FHDC1: variants seen among roughly 807,000 people sequenced by gnomAD.
FHDC1 encodes the protein FH2 domain-containing protein 1.
In FHDC1, 25 loss-of-function variants were observed where a neutral mutation model predicts 52.6. That is an observed-to-expected ratio of 0.48 (90% CI 0.35 to 0.66). The LOEUF is 0.66. FHDC1 is among the 30% of genes least tolerant of loss of function. The pLI is 0.01. For synonymous variants in FHDC1, 616 were observed against 581.5 expected (o/e 1.06, Z -0.85); for missense variants, 1,459 against 1,452.8 (o/e 1.00, Z -0.07).
intron 2 of FHDC1, among the ~76,000 whole-genome samples, chr4:152,946,914 G>A (rs2149940059): frequency 6.6e-6 from 1 of 152,206 alleles, no homozygotes; most frequent in African/African-American, 2.4e-5. Context: ...CACTTAAATA[G>A]TGAGTTAGAA....
At chr4:152,941,927 T>G (rs184758363) in intron 1 of FHDC1, among the ~76,000 whole-genome samples, 5 of 152,276 alleles carry the variant, frequency 3.3e-5, no homozygotes, top group Admixed American at 6.5e-5. Flanking sequence ...ATGGCGTCCT[T>G]TCTACACCCC....
At chr4:152,952,064 A>G (rs1200259649) in intron 2 of FHDC1, among the ~76,000 whole-genome samples, 1 of 152,248 alleles carries the variant, frequency 6.6e-6, no homozygotes, top group Non-Finnish European at 1.5e-5. Flanking sequence ...AAAGTATCTT[A>G]TCCTTGGTGA....
At chr4:152,929,189 T>TC in the FHDC1 span, among the ~76,000 whole-genome samples, 1 of 152,092 alleles carries the variant, frequency 6.6e-6, no homozygotes, top group Admixed American at 6.5e-5. This position sits in a 1 kb window ranked among gnomAD's most constrained non-coding sequence, Gnocchi z 4.1. Context: ...GGCTTCCAGG[T>TC]CATAGGTAGA....
At chr4:152,932,309 C>T (rs891237085), upstream of FHDC1, among the ~76,000 whole-genome samples, 5 of 151,856 alleles carry the variant, frequency 3.3e-5, no homozygotes, top group Admixed American at 1.3e-4. Flanking sequence ...CACAGTGGCT[C>T]ATGCCTGTAA....
chr4:152,941,305 C>T (rs925529758), intron 1 of FHDC1, among the ~76,000 whole-genome samples: 1 of 152,200 alleles, frequency 6.6e-6, no homozygotes, highest in African/African-American at 2.4e-5. Context: ...AAGTTTGTTC[C>T]TAGCAGCCAG....
At chr4:152,916,011 A>C in the FHDC1 span, among the ~76,000 whole-genome samples, 2 of 152,192 alleles carry the variant, frequency 1.3e-5, no homozygotes, top group Non-Finnish European at 1.5e-5. Context: ...CTTAAATTCC[A>C]GTGTACAGAA....
rs1420882248 is a variant in FHDC1, at chr4:152,978,676, A to G, written c.*1953A>G. 1 of 151,930 alleles carries G rather than the reference A, an allele frequency of 6.6e-6. No individual in the cohort carries two copies. Among genetic ancestry groups the G allele is most frequent in the Non-Finnish European group, 1.5e-5 (1 of 67,978 alleles). 9.4% of individuals were successfully genotyped at this position (151,930 alleles called of 1,614,324 possible). A position where few individuals can be genotyped will look rare whatever the true frequency, so the allele number is the denominator to read the frequency against. On this transcript the variant is annotated 3_prime_UTR_variant, in exon 12 of 12. Coordinates refer to ENST00000511601, the MANE Select transcript of FHDC1 (RefSeq NM_001371116.1). ...TTTGTGTTTTTTTTAATTTTAGGTC[A>G]CTTATTAGTGAAACCTCATTTTAGA... is the stretch of plus-strand genomic sequence containing the variant.
At chr4:152,940,247 A>T (rs1182604340) in intron 1 of FHDC1, among the ~76,000 whole-genome samples, 2 of 152,242 alleles carry the variant, frequency 1.3e-5, no homozygotes, top group East Asian at 3.8e-4. Flanking sequence ...TTGCTGGCGA[A>T]CCTATTCATT....
At chr4:152,946,719 T>C (rs1218121470) in intron 2 of FHDC1, among the ~76,000 whole-genome samples, 1 of 152,036 alleles carries the variant, frequency 6.6e-6, no homozygotes, top group East Asian at 1.9e-4. Flanking sequence ...GTTCTGGAGG[T>C]TCAGACTTGC....
intron 11 of FHDC1, among the ~76,000 whole-genome samples, chr4:152,973,192 T>C (rs1328324706): frequency 6.6e-6 from 1 of 152,218 alleles, no homozygotes; most frequent in Non-Finnish European, 1.5e-5. Flanking sequence ...CAAGTAAAAC[T>C]TTAATTCATC....
chr4:152,950,315 C>T (rs1362964825), intron 2 of FHDC1, among the ~76,000 whole-genome samples: 3 of 152,188 alleles, frequency 2.0e-5, no homozygotes, highest in Non-Finnish European at 2.9e-5. Flanking sequence ...TATAACATTG[C>T]TTTGGAAGGA....
At chr4:152,962,736 C>A in intron 6 of FHDC1, 78 bp from the exon 7 acceptor site, 1 of 1,209,168 alleles carries the variant, frequency 8.3e-7, no homozygotes, top group Non-Finnish European at 1.2e-6. Flanking sequence ...TACACTTGAA[C>A]TTGGATGTGG....
chr4:152,962,983 A>G lies in FHDC1; in HGVS notation c.922-40A>G, dbSNP rs74812681. The G allele has an allele frequency of 6.8e-3, 6,091 of 897,828 alleles. 19 individuals are homozygous for G. Among genetic ancestry groups the G allele is most frequent in the Middle Eastern group, 0.012 (47 of 3,786 alleles). 55.6% of individuals were successfully genotyped at this position (897,828 alleles called of 1,614,324 possible). On this transcript the variant is annotated intron_variant, in intron 7 of 11. Coordinates refer to ENST00000511601, the MANE Select transcript of FHDC1 (RefSeq NM_001371116.1). ...TGTGTGTGTGTGTGTGTGTGTGTGT[A>G]TGTATACATAATTTTTTCTTTTTGA...
chr4:152,918,226 ACT>A, the FHDC1 span, among the ~76,000 whole-genome samples: 1 of 152,208 alleles, frequency 6.6e-6, no homozygotes, highest in Admixed American at 6.5e-5. Flanking sequence ...GCCACTCCAG[ACT>A]TCCTTGCCAG....
chr4:152,939,427 C>T (rs990069455), intron 1 of FHDC1, among the ~76,000 whole-genome samples: 1 of 152,126 alleles, frequency 6.6e-6, no homozygotes, highest in South Asian at 2.1e-4. Flanking sequence ...AGCCACCGCG[C>T]CTGGCCGAGA....
intron 2 of FHDC1, among the ~76,000 whole-genome samples, chr4:152,946,764 C>A (rs1016665390): frequency 2.0e-5 from 3 of 152,158 alleles, no homozygotes; most frequent in African/African-American, 7.2e-5. Flanking sequence ...AATATCATAA[C>A]CTCCTACAGA....
chr4:152,916,620 A>T, the FHDC1 span, among the ~76,000 whole-genome samples: 2 of 152,026 alleles, frequency 1.3e-5, no homozygotes, highest in Non-Finnish European at 2.9e-5. Context: ...AGCAGGACCC[A>T]CTAAATCTTT....
At chr4:152,931,955 A>AC (rs1443907074), upstream of FHDC1, among the ~76,000 whole-genome samples, 18 of 118,968 alleles carry the variant, frequency 1.5e-4, no homozygotes, top group South Asian at 5.5e-4. Flanking sequence ...AAAAAAAAAA[A>AC]AAAAAAAAAC....
At chr4:152,911,701 T>A in the FHDC1 span, 2 of 152,642 alleles carry the variant, frequency 1.3e-5, no homozygotes, top group Non-Finnish European at 2.9e-5. Context: ...GCTGGCTTTT[T>A]AATTAATATG....
Sources: gnomAD v4.1 joint callset for allele counts (sites outside exome capture counted in the v4.1 genomes callset) on GRCh38, gnomAD v4.1.1 for gene constraint, Gnocchi (gnomAD v3.1) non-coding constraint, MANE v1.5 for transcripts, NCBI Gene and HGNC (gene_info 2026-07-23, HGNC 2026-07-21) for gene names.